Variants in GUCA1C observed in about 807,000 individuals in gnomAD.
GUCA1C encodes guanylate cyclase activator 1C, also known as guanylyl cyclase-activating protein 3.
Under a neutral mutation model 16.2 loss-of-function variants are expected in GUCA1C, and 15 were observed. The ratio of observed to expected loss-of-function variants is 0.93; its 90% CI spans 0.62 to 1.43. The LOEUF is 1.43. Among genes scored for constraint, GUCA1C ranks in the 40% most tolerant of loss-of-function variants. The probability of loss-of-function intolerance (pLI) is 0.00; values close to 1 mark genes in which losing one functional copy is unlikely to be tolerated. For synonymous variants in GUCA1C, 78 were observed against 85.4 expected, an observed-to-expected ratio of 0.91 and a Z score of 0.48; for missense variants, 275 against 244.8, an observed-to-expected ratio of 1.12 and a Z score of -0.82.
intron 2 of GUCA1C, among the ~76,000 whole-genome samples, chr3:108,917,601 G>A (rs980831068): frequency 1.3e-5 from 2 of 152,090 alleles, no homozygotes; most frequent in African/African-American, 4.8e-5. Flanking sequence ...GAGAGAAAGG[G>A]AAGCAGGAGA....
In GUCA1C at chr3:108,934,703, C is replaced by T. The variant is rs111645352; in HGVS notation, c.205-14118G>A. 4.6e-3 allele frequency among the ~76,000 whole-genome samples: 706 copies of T among 151,838 alleles called. 8 individuals carry two copies. Among genetic ancestry groups the T allele is most frequent in the African/African-American group, 0.016 (675 of 41,472 alleles). On this transcript the variant is annotated intron_variant, in intron 1 of 3. Coordinates refer to ENST00000261047, the MANE Select transcript of GUCA1C (RefSeq NM_005459.4). ...ATGCAGCCGAAAAACAGAACAAAAT[C>T]ATGTCTTTTGCAGCAACATGGATGA...
At chr3:108,922,019 C>T (rs992140940) in intron 1 of GUCA1C, among the ~76,000 whole-genome samples, 1 of 152,060 alleles carries the variant, frequency 6.6e-6, no homozygotes, top group Non-Finnish European at 1.5e-5. Context: ...TGAGAACAGA[C>T]ATTGTTTGGT....
At position 108,908,056 on chromosome 3, in the gene GUCA1C, T is replaced by A; in HGVS notation, c.596A>T (p.Asp199Val). The change falls in exon 4 of 4, where the codon GAC becomes GTC. Residue 199 changes from aspartate (D) to valine (V), a missense_variant. Transcript: ENST00000261047. Reference protein sequence around the residue: ...DMETDSSKSPDKAGLGKVKMK With the variant: ...DMETDSSKSPVKAGLGKVKMK ...TTTCACCTTCCCTAGACCAGCCTTG[T>A]CAGGAGATTTGGAGGAGTCTGTCTC... 1.2e-6 allele frequency: 2 copies of A among 1,613,894 alleles called. No homozygotes were observed. The highest frequency in any genetic ancestry group is 1.7e-6 in the Non-Finnish European group (2 of 1,179,874).
chr3:108,931,583 G>T (rs1946665666), intron 1 of GUCA1C, among the ~76,000 whole-genome samples: 1 of 152,190 alleles, frequency 6.6e-6, no homozygotes, highest in South Asian at 2.1e-4. Flanking sequence ...TTTCTGTTAA[G>T]ATTTTGTAGA....
chr3:108,948,422 T>C (rs1260723985), intron 1 of GUCA1C, among the ~76,000 whole-genome samples: 1 of 152,204 alleles, frequency 6.6e-6, no homozygotes, highest in Admixed American at 6.5e-5. Flanking sequence ...TGCAGAACTG[T>C]AAGCCAATTA....
chr3:108,920,802 A>AT (rs556457363), intron 1 of GUCA1C, among the ~76,000 whole-genome samples: 71 of 152,256 alleles, frequency 4.7e-4, no homozygotes, highest in African/African-American at 1.6e-3. Flanking sequence ...AATAGGCATT[A>AT]TTTTTTAGTG....
intron 1 of GUCA1C, among the ~76,000 whole-genome samples, chr3:108,925,238 A>G (rs1946612745): frequency 6.6e-6 from 1 of 151,786 alleles, no homozygotes; most frequent in Non-Finnish European, 1.5e-5. Flanking sequence ...GCTCTTTCAG[A>G]CTTTTTGATG....
intron 1 of GUCA1C, among the ~76,000 whole-genome samples, chr3:108,925,537 C>A (rs199814891): frequency 1.3e-5 from 2 of 152,228 alleles, no homozygotes; most frequent in East Asian, 3.9e-4. Flanking sequence ...TGTTTTGTGG[C>A]CTACCATATG....
chr3:108,950,841 A>T (rs1301635441), intron 1 of GUCA1C, among the ~76,000 whole-genome samples: 1 of 152,142 alleles, frequency 6.6e-6, no homozygotes, highest in Admixed American at 6.5e-5. Flanking sequence ...AAACAGAATG[A>T]TAAAAGCACA....
At chr3:108,946,341 A>G (rs747736265) in intron 1 of GUCA1C, among the ~76,000 whole-genome samples, 2 of 152,094 alleles carry the variant, frequency 1.3e-5, no homozygotes, top group Non-Finnish European at 2.9e-5. Flanking sequence ...TATGTTGCCC[A>G]TGCTGGTCTC....
chr3:108,943,639 C>T (rs936180311), intron 1 of GUCA1C, among the ~76,000 whole-genome samples: 5 of 152,108 alleles, frequency 3.3e-5, no homozygotes, highest in Non-Finnish European at 5.9e-5. Flanking sequence ...GAGAGCCCTC[C>T]TTCGTAAAGG....
At chr3:108,912,711 C>CAAAAAA (rs10664351) in intron 3 of GUCA1C, among the ~76,000 whole-genome samples, 1,654 of 143,466 alleles carry the variant, frequency 0.012, 17 homozygotes, top group Middle Eastern at 0.017. Flanking sequence ...TTGTTAATTT[C>CAAAAAA]AAAAAAAAAA....
chr3:108,941,483 C>A (rs1296270621), intron 1 of GUCA1C, among the ~76,000 whole-genome samples: 2 of 152,176 alleles, frequency 1.3e-5, no homozygotes, highest in Non-Finnish European at 2.9e-5. Flanking sequence ...CCAAAAGAGG[C>A]AAAGACTTTT....
At chr3:108,954,037 G>A (rs932082171), upstream of GUCA1C, 1 of 448,890 alleles carries the variant, frequency 2.2e-6, no homozygotes, top group African/African-American at 1.9e-5. Context: ...CAATATTTTA[G>A]AGAGGGTGAT....
At chr3:108,909,223 A>G (rs1559838110) in intron 3 of GUCA1C, among the ~76,000 whole-genome samples, 2 of 152,204 alleles carry the variant, frequency 1.3e-5, no homozygotes, top group African/African-American at 4.8e-5. Context: ...GCTAAAATGC[A>G]TTTTTTAAGA....
intron 3 of GUCA1C, among the ~76,000 whole-genome samples, chr3:108,912,526 C>CAAT (rs745320758): frequency 6.6e-6 from 1 of 151,766 alleles, no homozygotes; most frequent in African/African-American, 2.4e-5. Context: ...TAAATTATAA[C>CAAT]AATAATATGT....
intron 1 of GUCA1C, among the ~76,000 whole-genome samples, chr3:108,927,283 A>C (rs1946631372): frequency 6.6e-6 from 1 of 152,232 alleles, no homozygotes; most frequent in South Asian, 2.1e-4. Flanking sequence ...ATCTCCAGCA[A>C]GGCTGAGGAA....
intron 1 of GUCA1C, among the ~76,000 whole-genome samples, chr3:108,942,972 T>C (rs1374240320): frequency 2.0e-5 from 3 of 152,318 alleles, no homozygotes; most frequent in South Asian, 4.1e-4. Context: ...CATAAAGACA[T>C]TCATTGCCTA....
chr3:108,922,154 TACACAAACACACACACACACAC>T (rs200789333), intron 1 of GUCA1C, among the ~76,000 whole-genome samples: 350 of 91,100 alleles, frequency 3.8e-3, no homozygotes, highest in African/African-American at 7.6e-3. Flanking sequence ...CACACACACA[TACACAAACACACACACACACAC>T]ACACACACAC....
Sources: gnomAD v4.1 joint callset for allele counts (sites outside exome capture counted in the v4.1 genomes callset) on GRCh38, gnomAD v4.1.1 for gene constraint, MANE v1.5 for transcripts, NCBI Gene and HGNC (gene_info 2026-07-23, HGNC 2026-07-21) for gene names.